SLC38A3: variants seen among roughly 807,000 people sequenced by gnomAD.
The protein encoded by SLC38A3 is solute carrier family 38 member 3, also known as sodium-coupled neutral amino acid transporter 3.
SLC38A3 carries 17 observed loss-of-function variants against 59.5 expected under a neutral mutation model. The observed-to-expected ratio is 0.29, with a 90% CI of 0.20 to 0.43. The LOEUF is 0.43. Among genes scored for constraint, SLC38A3 ranks in the 20% least tolerant of loss-of-function variants. The pLI, the probability that SLC38A3 is intolerant of heterozygous loss-of-function variation, is 1.00. For missense variants in SLC38A3, 454 were observed against 653.9 expected, an observed-to-expected ratio of 0.69 and a Z score of 3.33; for synonymous variants, 238 against 260.3, an observed-to-expected ratio of 0.91 and a Z score of 0.82.
In SLC38A3 at chr3:50,215,804, C is replaced by T. The variant is rs374049912; in HGVS notation, c.531C>T (p.Asn177=). Residue 177 remains asparagine (N), a synonymous_variant, in exon 7 of 16, where the codon AAC becomes AAT. Transcript: ENST00000614032. This position sits in a 1 kb window ranked among gnomAD's most constrained non-coding sequence, Gnocchi z 7.1. The part of the protein sequence containing the change: ...ELPLVIQTFL[N]LEEKTSDWYM... The stretch of plus-strand genomic sequence containing the variant: ...CACTTGTCATACAGACCTTCCTGAA[C>T]CTGGAGGAGAAAACCTCGTGAGCCC... The T allele has an allele frequency of 5.6e-5, 88 of 1,581,766 alleles. 1 individual carries two copies. The East Asian group carries it at 1.4e-3, about 24-fold the overall frequency.
At position 50,218,204 on chromosome 3, in the gene SLC38A3, G is replaced by T; in HGVS notation, c.936-66G>T. Reference sequence around the variant, plus strand: ...AAGTATGGTGCCAGAGAGAGCTTGGGGCACATGGGGGTCTCCCAATGTTAC... The same window carrying T: ...AAGTATGGTGCCAGAGAGAGCTTGGTGCACATGGGGGTCTCCCAATGTTAC... On this transcript the variant is annotated intron_variant, in intron 11 of 15. Coordinates refer to ENST00000614032, the MANE Select transcript of SLC38A3 (RefSeq NM_006841.6). This position sits in a 1 kb window ranked among gnomAD's most constrained non-coding sequence, Gnocchi z 5.8. 1 of 1,224,374 alleles carries T rather than the reference G, an allele frequency of 8.2e-7. No individual in the cohort carries two copies. The highest frequency in any genetic ancestry group is 1.2e-5 in the South Asian group (1 of 82,008). 75.8% of individuals were successfully genotyped at this position (1,224,374 alleles called of 1,614,324 possible). A position where few individuals can be genotyped will look rare whatever the true frequency, so the allele number is the denominator to read the frequency against.
rs202243508 is a variant in SLC38A3 at position 50,217,736 on chromosome 3, G to A, written c.751G>A (p.Gly251Ser). 3 of 1,613,580 alleles carry A rather than the reference G, an allele frequency of 1.9e-6. No individual in the cohort carries two copies. The highest frequency in any genetic ancestry group is 3.3e-5 in the Admixed American group (2 of 59,848). The change falls in exon 10 of 16, where the codon GGC becomes AGC. Residue 251 changes from glycine to serine, a missense_variant. By Grantham distance (56) the Gly-to-Ser change is moderately conservative (BLOSUM62 0). This residue lies in a region of SLC38A3 where 390 missense variants were observed against 557.9 expected (regional missense o/e 0.70). Transcript: ENST00000614032. The surrounding 1 kb of genome is among the most constrained non-coding windows in gnomAD (Gnocchi z 4.9). ...GCCCCCCAACTTCAACAACACCACA[G>A]GCAACTTCAGCCACGTGGAGATCGT... ...PLPPNFNNTT[G>S]NFSHVEIVKE...
rs375553022 is a variant in SLC38A3 at position 50,220,170 on chromosome 3, A to G, written c.1508A>G (p.Asn503Ser). 25 of 1,587,408 alleles carry G rather than the reference A, an allele frequency of 1.6e-5. No individual in the cohort carries two copies. The African/African-American group carries it at 2.3e-4, about 15-fold the overall frequency. Reference protein sequence around the residue: ...WASGTSRHGGNH With the variant: ...WASGTSRHGGSH The stretch of plus-strand genomic sequence containing the variant: ...TCAGGGACCAGCCGGCATGGAGGAA[A>G]CCACTAGGGTGACCCTCATCCTGTT... The change falls in exon 16 of 16, where the codon AAC becomes AGC. Residue 503 changes from asparagine (N) to serine (S), a missense_variant. Asn to Ser is a conservative substitution (Grantham distance 46). Coordinates refer to ENST00000614032, the MANE Select transcript of SLC38A3 (RefSeq NM_006841.6).
At chr3:50,207,054 G>C (rs766390562) in intron 1 of SLC38A3, among the ~76,000 whole-genome samples, 1 of 152,252 alleles carries the variant, frequency 6.6e-6, no homozygotes, top group Non-Finnish European at 1.5e-5. Flanking sequence ...TGGAAGTCTG[G>C]GCTGGGTGTG....
chr3:50,220,128 T>C lies in SLC38A3; in HGVS notation c.1466T>C (p.Ile489Thr). The change falls in exon 16 of 16, where the codon ATC becomes ACC. Residue 489 changes from isoleucine (I) to threonine (T), a missense_variant. By Grantham distance (89) the Ile-to-Thr change is moderately conservative. Around this residue, in one of 3 missense-constraint regions of SLC38A3, gnomAD observed 59 missense variants for 70.8 expected, o/e 0.83. Transcript: ENST00000614032. ...FLLMTMSLSFIIIDWASGTSR... is the reference protein window; with the variant it reads ...FLLMTMSLSFTIIDWASGTSR... ...CTGATGACCATGAGCTTGAGCTTCA[T>C]CATCATTGACTGGGCCTCAGGGACC... 1 of 1,605,178 alleles carries C rather than the reference T, an allele frequency of 6.2e-7. No homozygotes were observed.
intron 1 of SLC38A3, among the ~76,000 whole-genome samples, chr3:50,211,096 C>G (rs1699719816): frequency 1.3e-5 from 2 of 152,232 alleles, no homozygotes; most frequent in South Asian, 4.1e-4. Context: ...AGAGGGTCTA[C>G]TCTGGGCTTT....
At chr3:50,208,100 T>G (rs1342147893) in intron 1 of SLC38A3, 1 of 152,376 alleles carries the variant, frequency 6.6e-6, no homozygotes, top group Admixed American at 6.5e-5. Flanking sequence ...ACCTGCTCTG[T>G]GGGGACCTGG....
In SLC38A3 at chr3:50,215,586, C is replaced by A. The variant is rs747522145; in HGVS notation, c.416C>A (p.Thr139Asn). The change falls in exon 6 of 16, where the codon ACC (threonine) becomes AAC (asparagine). Residue 139 changes from threonine to asparagine, a missense_variant. Physicochemically the swap from Thr to Asn is moderately conservative, Grantham distance 65. Around this residue, in one of 3 missense-constraint regions of SLC38A3, gnomAD observed 390 missense variants for 557.9 expected, o/e 0.70. Transcript: ENST00000614032. This position sits in a 1 kb window ranked among gnomAD's most constrained non-coding sequence, Gnocchi z 7.1. ...YEQLGYRAFGTPGKLAAALAI... is the reference protein window; with the variant it reads ...YEQLGYRAFGNPGKLAAALAI... Reference sequence around the variant, plus strand: ...CAGCTGGGCTACCGTGCCTTTGGGACCCCAGGAAAGCTGGCAGCAGCCCTG... The same window carrying A: ...CAGCTGGGCTACCGTGCCTTTGGGAACCCAGGAAAGCTGGCAGCAGCCCTG... 1 of 1,613,796 alleles carries A rather than the reference C, an allele frequency of 6.2e-7. No homozygotes were observed. The highest frequency in any genetic ancestry group is 8.5e-7 in the Non-Finnish European group (1 of 1,179,874).
chr3:50,216,934 G>C (rs587696995), intron 7 of SLC38A3, among the ~76,000 whole-genome samples: 15 of 152,214 alleles, frequency 9.9e-5, no homozygotes, highest in African/African-American at 3.6e-4. Context: ...CACCATGCCC[G>C]GCTAATTTTT....
Position 50,220,157 on chromosome 3 carries a change from C to A in SLC38A3, c.1495C>A (p.Arg499=). 4 of 1,595,824 alleles carry A rather than the reference C, an allele frequency of 2.5e-6. No homozygotes were observed. Among genetic ancestry groups the A allele is most frequent in the African/African-American group, 1.3e-5 (1 of 74,732 alleles). The part of the protein sequence containing the change: ...IIIDWASGTS[R]HGGNH ...CATTGACTGGGCCTCAGGGACCAGC[C>A]GGCATGGAGGAAACCACTAGGGTGA... Residue 499 remains arginine, a synonymous_variant, in exon 16 of 16, where the codon CGG becomes AGG. Coordinates refer to ENST00000614032, the MANE Select transcript of SLC38A3 (RefSeq NM_006841.6).
At position 50,218,874 on chromosome 3, in the gene SLC38A3, C is replaced by G; in HGVS notation, c.1232C>G (p.Ala411Gly). Reference sequence around the variant, plus strand: ...AGCTGGCTGCGGCATGTGCTTATTGCCGTTGGCCTGCTCACTTGTATCAAC... The same window carrying G: ...AGCTGGCTGCGGCATGTGCTTATTGGCGTTGGCCTGCTCACTTGTATCAAC... ...EFSWLRHVLI[A>G]VGLLTCINLL... Residue 411 changes from alanine (A) to glycine (G), a missense_variant, in exon 14 of 16, where the codon GCC becomes GGC. Coordinates refer to ENST00000614032, the MANE Select transcript of SLC38A3 (RefSeq NM_006841.6). The surrounding 1 kb of genome is among the most constrained non-coding windows in gnomAD (Gnocchi z 5.8). 1 of 1,613,714 alleles carries G rather than the reference C, an allele frequency of 6.2e-7. No individual in the cohort carries two copies. Among genetic ancestry groups the G allele is most frequent in the Non-Finnish European group, 8.5e-7 (1 of 1,179,658 alleles).
At position 50,217,856 on chromosome 3, in the gene SLC38A3, G is replaced by A. The variant is rs371471945; in HGVS notation, c.855+16G>A. 8 of 1,613,928 alleles carry A rather than the reference G, an allele frequency of 5.0e-6. No individual in the cohort carries two copies. The highest frequency in any genetic ancestry group is 5.1e-6 in the Non-Finnish European group (6 of 1,179,916). The stretch of plus-strand genomic sequence containing the variant: ...CAACTCACAGGTTCTGACAGGTCAG[G>A]GCAAGGCGGGGGCCCAATGAGAGTG... On this transcript the variant is annotated intron_variant, in intron 10 of 15. Coordinates refer to ENST00000614032, the MANE Select transcript of SLC38A3 (RefSeq NM_006841.6). The surrounding 1 kb of genome is among the most constrained non-coding windows in gnomAD (Gnocchi z 4.9).
chr3:50,214,588 G>A lies in SLC38A3; in HGVS notation c.184-65G>A. On this transcript the variant is annotated intron_variant, in intron 3 of 15. Transcript: ENST00000614032. This position sits in a 1 kb window ranked among gnomAD's most constrained non-coding sequence, Gnocchi z 6.0. ...GGAGGCTGAGGGACAGTCAGGGGAAGGCTGCGATGCCCCTGTCCCTTGCTG... is the reference window on the plus strand; with the variant it reads ...GGAGGCTGAGGGACAGTCAGGGGAAAGCTGCGATGCCCCTGTCCCTTGCTG... 1 of 1,467,312 alleles carries A rather than the reference G, an allele frequency of 6.8e-7. No homozygotes were observed. The allele number at this position is 1,467,312 out of a possible 1,614,324, so 90.9% of individuals were successfully genotyped here. A position where few individuals can be genotyped will look rare whatever the true frequency, so the allele number is the denominator to read the frequency against.
chr3:50,206,527 A>G lies in SLC38A3; in HGVS notation c.-52+1179A>G, dbSNP rs541043952. ...CTCTCAGTCTGGGGGATAGAAAGCT[A>G]AAGAGACCCAAAGATGGTTCCATTT... On this transcript the variant is annotated intron_variant, in intron 1 of 15. Coordinates refer to ENST00000614032, the MANE Select transcript of SLC38A3 (RefSeq NM_006841.6). Among the ~76,000 whole-genome samples the G allele has an allele frequency of 2.0e-5, 3 of 152,336 alleles. No individual in the cohort carries two copies. The South Asian group carries it at 6.2e-4, about 32-fold the overall frequency.
rs534688197 is a variant in SLC38A3, at chr3:50,214,171, C to T, written c.-29C>T. 216 of 1,599,782 alleles carry T rather than the reference C, an allele frequency of 1.4e-4. No homozygotes were observed. Among genetic ancestry groups the T allele is most frequent in the Non-Finnish European group, 1.8e-4 (205 of 1,169,256 alleles). On this transcript the variant is annotated 5_prime_UTR_variant, in exon 2 of 16. Transcript: ENST00000614032. This position sits in a 1 kb window ranked among gnomAD's most constrained non-coding sequence, Gnocchi z 6.0. ...CAGACATCTGACTGTTGGTGTGAGA[C>T]CAGTGCTCCTGGTGGTGTGCCCTGA...
chr3:50,205,549 C>T (rs1435112239), intron 1 of SLC38A3, among the ~76,000 whole-genome samples: 1 of 152,276 alleles, frequency 6.6e-6, no homozygotes, highest in Non-Finnish European at 1.5e-5. Flanking sequence ...GGACTCAGCG[C>T]CGAGCTTAAG....
chr3:50,219,562 G>A (rs767527795), intron 14 of SLC38A3, among the ~76,000 whole-genome samples: 14 of 152,198 alleles, frequency 9.2e-5, no homozygotes, highest in African/African-American at 2.4e-4. Flanking sequence ...CTCAAATAAC[G>A]GAGAAGCCTT....
chr3:50,218,051 G>T lies in SLC38A3; in HGVS notation c.935+55G>T. ...GGGATGCCCTGAGCTGGTTTGGGGA[G>T]AATGGATGTGGTCCTGAATGTGGAG... On this transcript the variant is annotated intron_variant, in intron 11 of 15. Coordinates refer to ENST00000614032, the MANE Select transcript of SLC38A3 (RefSeq NM_006841.6). The surrounding 1 kb of genome is among the most constrained non-coding windows in gnomAD (Gnocchi z 5.8). 6.5e-7 allele frequency: 1 copy of T among 1,538,660 alleles called. No individual in the cohort carries two copies. The highest frequency in any genetic ancestry group is 1.7e-5 in the Admixed American group (1 of 57,860).
At chr3:50,207,919 G>A (rs1328562502) in intron 1 of SLC38A3, 1 of 152,338 alleles carries the variant, frequency 6.6e-6, no homozygotes, top group Admixed American at 6.5e-5. Flanking sequence ...CTGGGAATGG[G>A]GGTCACTCCG....
Sources: gnomAD v4.1 joint callset for allele counts (sites outside exome capture counted in the v4.1 genomes callset) on GRCh38, gnomAD v4.1.1 for gene constraint, gnomAD v4.1.1 regional missense constraint, Gnocchi (gnomAD v3.1) non-coding constraint, MANE v1.5 for transcripts, NCBI Gene and HGNC (gene_info 2026-07-23, HGNC 2026-07-21) for gene names.